Variants in PALM2AKAP2 observed in about 807,000 individuals in gnomAD.
The protein encoded by PALM2AKAP2 is PALM2 and AKAP2 fusion.
PALM2AKAP2 carries 37 observed loss-of-function variants against 71.5 expected under a neutral mutation model. That is an observed-to-expected ratio of 0.52 (90% CI 0.40 to 0.68). The LOEUF (loss-of-function observed/expected upper bound fraction) is 0.68, where lower values mean the gene tolerates loss of function less well. PALM2AKAP2 is among the 30% of genes least tolerant of loss of function. PALM2AKAP2 has a pLI of 0.00. For missense variants in PALM2AKAP2, 1,224 were observed against 1,191.8 expected (o/e 1.03, Z -0.40); for synonymous variants, 468 against 478.8 (o/e 0.98, Z 0.29).
intron 1 of PALM2AKAP2, among the ~76,000 whole-genome samples, chr9:109,832,271 A>T (rs1828322753): frequency 6.6e-6 from 1 of 152,226 alleles, no homozygotes; most frequent in Admixed American, 6.5e-5. Context: ...GTCCTCTCTG[A>T]GTCGCTTACT....
chr9:109,733,989 A>T (rs1448458563), intron 1 of PALM2AKAP2, among the ~76,000 whole-genome samples: 1 of 152,222 alleles, frequency 6.6e-6, no homozygotes, highest in South Asian at 2.1e-4. Flanking sequence ...ACTGCAAAGG[A>T]GAGGTGTGGC....
chr9:110,001,940 T>A (rs1053074681), intron 6 of PALM2AKAP2, among the ~76,000 whole-genome samples: 1 of 152,178 alleles, frequency 6.6e-6, no homozygotes, highest in Non-Finnish European at 1.5e-5. Context: ...TTTCTAGATA[T>A]ACAATCATGT....
intron 1 of PALM2AKAP2, among the ~76,000 whole-genome samples, chr9:109,761,326 G>A (rs904650821): frequency 1.3e-5 from 2 of 152,132 alleles, no homozygotes; most frequent in Non-Finnish European, 2.9e-5. Flanking sequence ...CTATTACTTT[G>A]TGGATTGTTG....
At chr9:109,937,195 C>G (rs1258080683) in intron 6 of PALM2AKAP2, among the ~76,000 whole-genome samples, 1 of 152,170 alleles carries the variant, frequency 6.6e-6, no homozygotes, top group Non-Finnish European at 1.5e-5. Context: ...TCAGACCCAT[C>G]TCTCTGGGCC....
At chr9:109,655,138 AC>A (rs1827281495) in intron 1 of PALM2AKAP2, among the ~76,000 whole-genome samples, 1 of 152,068 alleles carries the variant, frequency 6.6e-6, no homozygotes, top group African/African-American at 2.4e-5. Context: ...TACTAAAAGT[AC>A]AAAAAAATTA....
chr9:110,109,356 TA>T (rs35816224), intron 1 of PALM2AKAP2, among the ~76,000 whole-genome samples: 153 of 125,206 alleles, frequency 1.2e-3, no homozygotes, highest in Admixed American at 1.7e-3. Context: ...AAGAAACATT[TA>T]AAAAAAAAAA....
chr9:109,838,672 G>C (rs200438822), intron 1 of PALM2AKAP2, among the ~76,000 whole-genome samples: 2 of 151,950 alleles, frequency 1.3e-5, no homozygotes, highest in Admixed American at 1.3e-4. Flanking sequence ...TCAAATAGAC[G>C]CAACAAAATT....
intron 6 of PALM2AKAP2, among the ~76,000 whole-genome samples, chr9:110,007,365 C>G (rs1259094989): frequency 1.3e-5 from 2 of 152,254 alleles, no homozygotes; most frequent in African/African-American, 4.8e-5. Flanking sequence ...ATGAGGATGA[C>G]TGTTCCCACA....
At chr9:109,746,481 A>G (rs1232306862) in intron 1 of PALM2AKAP2, among the ~76,000 whole-genome samples, 1 of 152,228 alleles carries the variant, frequency 6.6e-6, no homozygotes, top group African/African-American at 2.4e-5. Flanking sequence ...GATCATACAC[A>G]TTCATATTTT....
intron 1 of PALM2AKAP2, among the ~76,000 whole-genome samples, chr9:109,724,989 C>T (rs1828455559): frequency 6.6e-6 from 1 of 152,022 alleles, no homozygotes; most frequent in South Asian, 2.1e-4. Context: ...AAAATATGAA[C>T]ACCTAAATAG....
At chr9:109,708,127 T>A (rs572691832) in intron 1 of PALM2AKAP2, among the ~76,000 whole-genome samples, 1 of 152,268 alleles carries the variant, frequency 6.6e-6, no homozygotes, top group South Asian at 2.1e-4. Context: ...ATCATAAGAG[T>A]ATTGTTGATT....
intron 1 of PALM2AKAP2, among the ~76,000 whole-genome samples, chr9:109,750,270 C>G (rs1412500761): frequency 6.6e-6 from 1 of 152,130 alleles, no homozygotes; most frequent in African/African-American, 2.4e-5. Context: ...GAAATTAGTT[C>G]CAATATGGTG....
intron 1 of PALM2AKAP2, chr9:109,765,297 G>T (rs1829130632): frequency 6.6e-6 from 1 of 152,232 alleles, no homozygotes; most frequent in Non-Finnish European, 1.5e-5. Context: ...ACCTTAGGCA[G>T]TTCCTTAATT....
chr9:109,700,472 T>C (rs1356520261), intron 1 of PALM2AKAP2, among the ~76,000 whole-genome samples: 1 of 152,220 alleles, frequency 6.6e-6, no homozygotes, highest in African/African-American at 2.4e-5. Context: ...TTACCCAGTC[T>C]TGAGTATGTC....
chr9:109,722,316 G>A (rs1159872262), intron 1 of PALM2AKAP2, among the ~76,000 whole-genome samples: 1 of 152,138 alleles, frequency 6.6e-6, no homozygotes, highest in Non-Finnish European at 1.5e-5. Context: ...CCAATTTCTT[G>A]TAATATGCAC....
At chr9:110,093,673 C>T (rs1028080796) in intron 1 of PALM2AKAP2, among the ~76,000 whole-genome samples, 1 of 152,186 alleles carries the variant, frequency 6.6e-6, no homozygotes, top group Non-Finnish European at 1.5e-5. Context: ...CCATCTCCCT[C>T]TCCAGGCTCA....
chr9:109,705,324 C>G (rs1448661830), intron 1 of PALM2AKAP2, among the ~76,000 whole-genome samples: 3 of 152,166 alleles, frequency 2.0e-5, no homozygotes, highest in African/African-American at 7.2e-5. Flanking sequence ...GCCTCAGGCT[C>G]CTTGTTGTTG....
At chr9:109,924,059 C>T (rs1830896764) in intron 4 of PALM2AKAP2, among the ~76,000 whole-genome samples, 1 of 152,152 alleles carries the variant, frequency 6.6e-6, no homozygotes, top group South Asian at 2.1e-4. Flanking sequence ...TGGCCTGCTG[C>T]AAGGCATAGG....
intron 1 of PALM2AKAP2, among the ~76,000 whole-genome samples, chr9:109,741,165 T>C (rs1458882318): frequency 6.6e-6 from 1 of 152,186 alleles, no homozygotes; most frequent in African/African-American, 2.4e-5. Flanking sequence ...AGCCCAGAGG[T>C]AACCAGTGTT....
Sources: allele counts gnomAD v4.1 joint callset (sites outside exome capture counted in the v4.1 genomes callset), GRCh38; gene constraint gnomAD v4.1.1; transcripts MANE v1.5; gene names NCBI Gene and HGNC (gene_info 2026-07-23, HGNC 2026-07-21).